The following RRAS2 variants were observed in gnomAD, a reference collection of about 807,000 sequenced individuals.
The protein encoded by RRAS2 is RAS related 2, also known as ras-related protein R-Ras2.
Under a neutral mutation model 27.6 loss-of-function variants are expected in RRAS2, and 7 were observed. The observed-to-expected ratio is 0.25, with a 90% CI of 0.14 to 0.48. RRAS2 has a LOEUF of 0.48. Ranked by LOEUF, RRAS2 falls within the 20% of genes least tolerant of loss-of-function variation. RRAS2 has a pLI of 0.99. For synonymous variants in RRAS2, 86 were observed against 90.9 expected, an observed-to-expected ratio of 0.95 and a Z score of 0.31; for missense variants, 178 against 256.2, an observed-to-expected ratio of 0.69 and a Z score of 2.08.
intron 5 of RRAS2, 44 bp from the exon 6 acceptor site, chr11:14,279,468 TC>T (rs1849461317): frequency 7.5e-7 from 1 of 1,341,704 alleles, no homozygotes; most frequent in African/African-American, 1.4e-5. Flanking sequence ...TTCTTGGTAA[TC>T]TACTATTACA....
intron 1 of RRAS2, among the ~76,000 whole-genome samples, chr11:14,327,241 A>C (rs1222406985): frequency 6.6e-6 from 1 of 152,230 alleles, no homozygotes; most frequent in Non-Finnish European, 1.5e-5. Flanking sequence ...AGATTATTAT[A>C]GTTAAAATAC....
At chr11:14,319,257 C>T (rs1331235195) in intron 1 of RRAS2, among the ~76,000 whole-genome samples, 3 of 151,792 alleles carry the variant, frequency 2.0e-5, no homozygotes, top group Non-Finnish European at 4.4e-5. Context: ...GGCAATAATG[C>T]CAAGCAGGAA....
chr11:14,331,378 A>G (rs1167552692), intron 1 of RRAS2, among the ~76,000 whole-genome samples: 1 of 152,236 alleles, frequency 6.6e-6, no homozygotes, highest in Non-Finnish European at 1.5e-5. Flanking sequence ...ACAGATATCA[A>G]AACAGCATCT....
exon 1 of RRAS2, chr11:14,364,395 G>T (rs75033079): frequency 1.3e-6 from 2 of 1,535,732 alleles, no homozygotes; most frequent in Non-Finnish European, 1.7e-6. Flanking sequence ...ACTTACCATG[G>T]GTGATGGAGG....
Position 14,358,824 on chromosome 11 carries a change from CG to C in RRAS2, c.46del (p.Arg16GlyfsTer25). 1 of 1,495,676 alleles carries C rather than the reference CG, an allele frequency of 6.7e-7. No individual in the cohort carries two copies. The allele number at this position is 1,495,676 out of a possible 1,614,324, so 92.7% of individuals were successfully genotyped here. ...GCCGCCCCCGCCGACCACCACGAGC[CG>C]GTACTTCTCCTGGCCGGAGCCGTCC... ...WRDGSGQEKY[R>X]LVVVGGGGVG... On this transcript the variant is annotated frameshift_variant, in exon 1 of 6. Coordinates refer to ENST00000256196, the MANE Select transcript of RRAS2 (RefSeq NM_012250.6). LOFTEE classifies it high-confidence loss of function. The surrounding 1 kb of genome is among the most constrained non-coding windows in gnomAD (Gnocchi z 5.1).
At chr11:14,355,909 G>C (rs1849063241) in intron 1 of RRAS2, among the ~76,000 whole-genome samples, 1 of 152,106 alleles carries the variant, frequency 6.6e-6, no homozygotes, top group South Asian at 2.1e-4. Context: ...CAGGAGTCAG[G>C]CAATGAATAG....
At chr11:14,290,774 C>G (rs771145454) in intron 4 of RRAS2, among the ~76,000 whole-genome samples, 1 of 152,124 alleles carries the variant, frequency 6.6e-6, no homozygotes, top group Non-Finnish European at 1.5e-5. Flanking sequence ...TCTGTAGAAT[C>G]AAGAACGGCA....
At chr11:14,286,219 C>T (rs1849658087) in intron 4 of RRAS2, among the ~76,000 whole-genome samples, 2 of 152,182 alleles carry the variant, frequency 1.3e-5, no homozygotes, top group South Asian at 4.1e-4. Flanking sequence ...TTATTTGTTT[C>T]CTTATTGTGG....
chr11:14,339,582 C>A (rs1848656907), intron 1 of RRAS2, among the ~76,000 whole-genome samples: 2 of 152,152 alleles, frequency 1.3e-5, no homozygotes, highest in Non-Finnish European at 2.9e-5. Flanking sequence ...TGATTGTCAA[C>A]AACAGACGTC....
In RRAS2 at chr11:14,278,573, C is replaced by A. The variant is rs1212781812; in HGVS notation, c.*764G>T. 2.0e-5 allele frequency: 3 copies of A among 152,082 alleles called. No individual in the cohort carries two copies. Among genetic ancestry groups the A allele is most frequent in the African/African-American group, 7.2e-5 (3 of 41,406 alleles). The allele number at this position is 152,082 out of a possible 1,614,324, so 9.4% of individuals were successfully genotyped here. A position where few individuals can be genotyped will look rare whatever the true frequency, so the allele number is the denominator to read the frequency against. On this transcript the variant is annotated 3_prime_UTR_variant, in exon 6 of 6. Coordinates refer to ENST00000256196, the MANE Select transcript of RRAS2 (RefSeq NM_012250.6). ...GTTTTAGTTTTTTGAATCCCTTACCCAGAAATACTTGAAAAGGAAGACAGA... is the reference window on the plus strand; with the variant it reads ...GTTTTAGTTTTTTGAATCCCTTACCAAGAAATACTTGAAAAGGAAGACAGA...
At chr11:14,344,718 T>C (rs1017564762) in intron 1 of RRAS2, among the ~76,000 whole-genome samples, 2 of 152,218 alleles carry the variant, frequency 1.3e-5, no homozygotes, top group Non-Finnish European at 2.9e-5. Flanking sequence ...GACTGTTGTA[T>C]ACTTCCCAAG....
chr11:14,348,553 T>C (rs1848885088), intron 1 of RRAS2, among the ~76,000 whole-genome samples: 1 of 152,384 alleles, frequency 6.6e-6, no homozygotes, highest in Admixed American at 6.5e-5. Flanking sequence ...TTATTTATCA[T>C]AGATCCTTAC....
chr11:14,294,427 T>A (rs782261336), intron 4 of RRAS2, 44 bp downstream of exon 4: 5 of 1,286,468 alleles, frequency 3.9e-6, no homozygotes, highest in Non-Finnish European at 5.5e-6. Context: ...TTCACTCACA[T>A]GATTATAAAC....
chr11:14,327,393 G>GA (rs1306830139), intron 1 of RRAS2, among the ~76,000 whole-genome samples: 24 of 152,240 alleles, frequency 1.6e-4, no homozygotes, highest in East Asian at 7.7e-4. Context: ...AAGAGGAGGG[G>GA]AAAAAATCTT....
chr11:14,344,536 A>AC (rs772102138), intron 1 of RRAS2, among the ~76,000 whole-genome samples: 20 of 152,240 alleles, frequency 1.3e-4, no homozygotes, highest in Non-Finnish European at 2.6e-4. Context: ...CATTAAATCT[A>AC]CCACAAATCT....
At chr11:14,343,835 AAAAT>A (rs1355659447) in intron 1 of RRAS2, among the ~76,000 whole-genome samples, 2 of 151,956 alleles carry the variant, frequency 1.3e-5, no homozygotes, top group African/African-American at 4.8e-5. Flanking sequence ...CCCTGTCTCA[AAAAT>A]AAATAAAATA....
intron 1 of RRAS2, among the ~76,000 whole-genome samples, chr11:14,344,272 C>T (rs903536654): frequency 8.5e-5 from 13 of 152,162 alleles, no homozygotes; most frequent in Admixed American, 2.6e-4. Context: ...ACATCTGCAA[C>T]TCGTCATTAA....
intron 5 of RRAS2, among the ~76,000 whole-genome samples, chr11:14,281,185 G>A (rs1051584914): frequency 7.2e-5 from 11 of 152,174 alleles, no homozygotes; most frequent in Admixed American, 7.2e-4. Context: ...GTCTTAATTT[G>A]AACAAGCTAT....
intron 1 of RRAS2, among the ~76,000 whole-genome samples, chr11:14,339,293 A>AAAG (rs1491545111): frequency 1.6e-5 from 1 of 63,930 alleles, no homozygotes; most frequent in Non-Finnish European, 2.8e-5. Flanking sequence ...AAAAAAAAAA[A>AAAG]GGGGGGGGGG....
Sources: gnomAD v4.1 joint callset for allele counts (sites outside exome capture counted in the v4.1 genomes callset) on GRCh38, gnomAD v4.1.1 for gene constraint, Gnocchi (gnomAD v3.1) non-coding constraint, MANE v1.5 for transcripts, NCBI Gene and HGNC (gene_info 2026-07-23, HGNC 2026-07-21) for gene names.